Variants in MVB12B observed in about 807,000 individuals in gnomAD.
The protein encoded by MVB12B is multivesicular body subunit 12B.
Under a neutral mutation model 41.6 loss-of-function variants are expected in MVB12B, and 16 were observed. The observed-to-expected ratio is 0.38, with a 90% CI of 0.26 to 0.58. MVB12B has a LOEUF of 0.58. Among genes scored for constraint, MVB12B ranks in the 20% least tolerant of loss-of-function variants. The pLI, the probability that MVB12B is intolerant of heterozygous loss-of-function variation, is 0.62. For missense variants in MVB12B, 274 were observed against 380.2 expected (o/e 0.72, Z 2.32); for synonymous variants, 133 against 139.7 (o/e 0.95, Z 0.34).
chr9:126,413,064 T>C (rs960865814), intron 6 of MVB12B, among the ~76,000 whole-genome samples: 1 of 152,232 alleles, frequency 6.6e-6, no homozygotes, highest in Non-Finnish European at 1.5e-5. Flanking sequence ...GTTCCTGTCC[T>C]TTCCTTCCAC....
chr9:126,375,797 T>G (rs1213448601), intron 2 of MVB12B, among the ~76,000 whole-genome samples: 1 of 152,242 alleles, frequency 6.6e-6, no homozygotes, highest in Non-Finnish European at 1.5e-5. Flanking sequence ...CCTCAGAATT[T>G]TGAAGACATT....
In MVB12B at chr9:126,459,093, C is replaced by T. The variant is rs1490344986; in HGVS notation, c.758-22276C>T. ...TCCTGCAAGTTTTAAGGGCTCAGAT[C>T]ACAGCAGGTCTGGACCTAAGAGAAC... On this transcript the variant is annotated intron_variant, in intron 7 of 9. Coordinates refer to ENST00000361171, the MANE Select transcript of MVB12B (RefSeq NM_033446.3). This position sits in a 1 kb window ranked among gnomAD's most constrained non-coding sequence, Gnocchi z 4.3. 6.6e-6 allele frequency among the ~76,000 whole-genome samples: 1 copy of T among 152,218 alleles called. No homozygotes were observed.
chr9:126,428,381 G>T (rs1033957246), intron 7 of MVB12B, among the ~76,000 whole-genome samples: 1 of 151,726 alleles, frequency 6.6e-6, no homozygotes, highest in Non-Finnish European at 1.5e-5. Context: ...TTCATCTTAT[G>T]ATGAAAAAAA....
chr9:126,459,928 G>A lies in MVB12B; in HGVS notation c.758-21441G>A, dbSNP rs962404432. 6.6e-6 allele frequency among the ~76,000 whole-genome samples: 1 copy of A among 152,190 alleles called. No individual in the cohort carries two copies. Among genetic ancestry groups the A allele is most frequent in the African/African-American group, 2.4e-5 (1 of 41,450 alleles). On this transcript the variant is annotated intron_variant, in intron 7 of 9. Coordinates refer to ENST00000361171, the MANE Select transcript of MVB12B (RefSeq NM_033446.3). This position sits in a 1 kb window ranked among gnomAD's most constrained non-coding sequence, Gnocchi z 4.3. Reference sequence around the variant, plus strand: ...TCATGAGTGGAGCCGCTCTTGTTGGGAAGCAGCTTCCCCTGCGATTTGGGG... The same window carrying A: ...TCATGAGTGGAGCCGCTCTTGTTGGAAAGCAGCTTCCCCTGCGATTTGGGG...
At position 126,366,550 on chromosome 9, in the gene MVB12B, C is replaced by T. The variant is rs377474949; in HGVS notation, c.205-14514C>T. Among the ~76,000 whole-genome samples the T allele has an allele frequency of 3.5e-4, 53 of 152,236 alleles. 1 individual carries two copies. Among genetic ancestry groups the T allele is most frequent in the East Asian group, 1.9e-3 (10 of 5,176 alleles). On this transcript the variant is annotated intron_variant, in intron 2 of 9. Transcript: ENST00000361171. ...GATTCTATTTATATAAATTTTATAA[C>T]GTGCTTATTATTGCATCATATTTTC...
Position 126,480,491 on chromosome 9 carries a change from G to A in MVB12B, c.758-878G>A, listed in dbSNP as rs13297792. On this transcript the variant is annotated intron_variant, in intron 7 of 9. Transcript: ENST00000361171. This position sits in a 1 kb window ranked among gnomAD's most constrained non-coding sequence, Gnocchi z 4.9. ...CACTTACGGAGGCACACCCTGGGTC[G>A]TTTCTGTCCGTGTGCTTTTGAAAGC... Among the ~76,000 whole-genome samples the A allele has an allele frequency of 0.2, 30,946 of 152,164 alleles. 3,736 individuals are homozygous for A. The highest frequency in any genetic ancestry group is 0.28 in the South Asian group (1,369 of 4,814).
chr9:126,446,938 C>CTTTTTTTTTTTTTT (rs33991689), intron 7 of MVB12B, among the ~76,000 whole-genome samples: 10 of 104,318 alleles, frequency 9.6e-5, no homozygotes, highest in East Asian at 2.7e-4. Flanking sequence ...TTTTAACTTT[C>CTTTTTTTTTTTTTT]TTTTTTTTTT....
At chr9:126,345,275 T>C (rs1829557288) in intron 2 of MVB12B, among the ~76,000 whole-genome samples, 1 of 152,236 alleles carries the variant, frequency 6.6e-6, no homozygotes. Flanking sequence ...AACTGCATCC[T>C]GGTCTTAGAC....
At chr9:126,455,651 A>AT (rs371049045) in intron 7 of MVB12B, among the ~76,000 whole-genome samples, 92 of 151,714 alleles carry the variant, frequency 6.1e-4, no homozygotes, top group African/African-American at 2.0e-3. Context: ...TGCCCAGCTG[A>AT]TTTTTTTGAT....
intron 7 of MVB12B, among the ~76,000 whole-genome samples, chr9:126,453,841 G>T (rs557888659): frequency 3.9e-5 from 6 of 152,242 alleles, no homozygotes; most frequent in Admixed American, 3.9e-4. Context: ...ATATACACAG[G>T]TGGCCTCCCC....
rs1199725486 is a variant in MVB12B at position 126,337,249 on chromosome 9, A to G, written c.82-3259A>G. On this transcript the variant is annotated intron_variant, in intron 1 of 9. Transcript: ENST00000361171. ...CTGTCGATCCTGCTCGCACCGTGCC[A>G]TAGATCAACCTATTCCCTCCTGTGC... is the stretch of plus-strand genomic sequence containing the variant. Among the ~76,000 whole-genome samples the G allele has an allele frequency of 3.9e-5, 6 of 152,142 alleles. No homozygotes were observed. In the South Asian group the frequency reaches 1.0e-3, roughly 26 times the overall value.
chr9:126,361,797 C>T (rs1057357800), intron 2 of MVB12B, among the ~76,000 whole-genome samples: 7 of 151,668 alleles, frequency 4.6e-5, no homozygotes, highest in African/African-American at 1.7e-4. Context: ...ACCTGTAATC[C>T]CAGCAGCTCA....
chr9:126,419,551 C>T (rs767209100), intron 6 of MVB12B, among the ~76,000 whole-genome samples: 7 of 152,234 alleles, frequency 4.6e-5, no homozygotes, highest in Non-Finnish European at 8.8e-5. Flanking sequence ...GGGCTGGCAC[C>T]TGGTGACACT....
At chr9:126,329,895 C>T (rs1227548257) in intron 1 of MVB12B, among the ~76,000 whole-genome samples, 1 of 151,922 alleles carries the variant, frequency 6.6e-6, no homozygotes, top group African/African-American at 2.4e-5. Flanking sequence ...CGAGGCCCAC[C>T]CTGGCCAGCA....
Position 126,333,571 on chromosome 9 carries a change from T to G in MVB12B, c.81+6561T>G, listed in dbSNP as rs964052865. On this transcript the variant is annotated intron_variant, in intron 1 of 9. Transcript: ENST00000361171. This position sits in a 1 kb window ranked among gnomAD's most constrained non-coding sequence, Gnocchi z 4.7. Reference sequence around the variant, plus strand: ...AGGCACCACCACCACACCCAGCTAATTTTTGTATTTTTAGTAGAGATGCGG... The same window carrying G: ...AGGCACCACCACCACACCCAGCTAAGTTTTGTATTTTTAGTAGAGATGCGG... Among the ~76,000 whole-genome samples, 1 of 151,854 alleles carries G rather than the reference T, an allele frequency of 6.6e-6. No individual in the cohort carries two copies. Among genetic ancestry groups the G allele is most frequent in the Non-Finnish European group, 1.5e-5 (1 of 67,988 alleles).
In MVB12B at chr9:126,488,457, C is replaced by T. The variant is rs576232832; in HGVS notation, c.873+4425C>T. Among the ~76,000 whole-genome samples the T allele has an allele frequency of 2.0e-5, 3 of 152,262 alleles. No homozygotes were observed. The East Asian group carries it at 5.8e-4, about 29-fold the overall frequency. ...CTCGTCCAGAACATCTCCCCAGGCT[C>T]GCCCACGATTCCCAGACAGGGTGGA... On this transcript the variant is annotated intron_variant, in intron 9 of 9. Coordinates refer to ENST00000361171, the MANE Select transcript of MVB12B (RefSeq NM_033446.3).
chr9:126,401,010 G>A (rs1458421076), intron 6 of MVB12B, among the ~76,000 whole-genome samples: 2 of 152,210 alleles, frequency 1.3e-5, no homozygotes, highest in Non-Finnish European at 2.9e-5. Flanking sequence ...TCTGCAATGT[G>A]TGGTTCCAGT....
intron 7 of MVB12B, among the ~76,000 whole-genome samples, chr9:126,450,812 T>G (rs990699120): frequency 6.6e-6 from 1 of 152,212 alleles, no homozygotes; most frequent in African/African-American, 2.4e-5. Flanking sequence ...CTCAGGCTGG[T>G]GCAGCGGAGG....
intron 9 of MVB12B, among the ~76,000 whole-genome samples, chr9:126,488,089 A>G (rs576240338): frequency 6.6e-6 from 1 of 152,224 alleles, no homozygotes; most frequent in East Asian, 1.9e-4. Flanking sequence ...TTAGCCACTG[A>G]ACTCGGCATT....
Sources: gnomAD v4.1 joint callset for allele counts (sites outside exome capture counted in the v4.1 genomes callset) on GRCh38, gnomAD v4.1.1 for gene constraint, Gnocchi (gnomAD v3.1) non-coding constraint, MANE v1.5 for transcripts, NCBI Gene and HGNC (gene_info 2026-07-23, HGNC 2026-07-21) for gene names.